The following ANGPTL4 variants were observed in gnomAD, a reference collection of about 807,000 sequenced individuals.
ANGPTL4 encodes angiopoietin-related protein 4.
ANGPTL4 carries 39 observed loss-of-function variants against 39.2 expected under a neutral mutation model. That is an observed-to-expected ratio of 1.00 (90% CI 0.77 to 1.30). The LOEUF (loss-of-function observed/expected upper bound fraction) is 1.30, where lower values mean the gene tolerates loss of function less well. Ranked by LOEUF, ANGPTL4 falls within the 50% of genes most tolerant of loss-of-function variation. The probability of loss-of-function intolerance (pLI) is 0.00; values close to 1 mark genes in which losing one functional copy is unlikely to be tolerated. For missense variants in ANGPTL4, 545 were observed against 549.8 expected (o/e 0.99, Z 0.09); for synonymous variants, 233 against 229.5 (o/e 1.02, Z -0.14).
chr19:8,373,570 C>CAAA, intron 6 of ANGPTL4, 135 bp from the exon 7 acceptor site: 16 of 957,772 alleles, frequency 1.7e-5, no homozygotes, highest in Admixed American at 4.8e-5. Context: ...GACTCAATCT[C>CAAA]AAAAAAAAAA....
At chr19:8,370,956 T>C (rs1971102992) in intron 4 of ANGPTL4, 100 bp from the exon 5 acceptor site, 2 of 1,319,916 alleles carry the variant, frequency 1.5e-6, no homozygotes, top group Admixed American at 2.0e-5. Context: ...AGCTGCTGTC[T>C]TCCTGGGTTT....
chr19:8,374,113 C>G lies in ANGPTL4; in HGVS notation c.*227C>G. 1 of 557,690 alleles carries G rather than the reference C, an allele frequency of 1.8e-6. No homozygotes were observed. The highest frequency in any genetic ancestry group is 3.2e-6 in the Non-Finnish European group (1 of 311,220). The allele number at this position is 557,690 out of a possible 1,614,324, so 34.5% of individuals were successfully genotyped here. A position where few individuals can be genotyped will look rare whatever the true frequency, so the allele number is the denominator to read the frequency against. On this transcript the variant is annotated 3_prime_UTR_variant, in exon 7 of 7. Coordinates refer to ENST00000301455, the MANE Select transcript of ANGPTL4 (RefSeq NM_139314.3). ...GCAGGATATGCTCAGACTCTAGAGGCGTGGACCAAGGGGCATGGAGCTTCA... is the reference window on the plus strand; with the variant it reads ...GCAGGATATGCTCAGACTCTAGAGGGGTGGACCAAGGGGCATGGAGCTTCA...
intron 3 of ANGPTL4, 145 bp from the exon 4 acceptor site, chr19:8,369,074 C>A: frequency 1.6e-6 from 1 of 639,854 alleles, no homozygotes. Context: ...AGAGGTTAGG[C>A]AGATGGCAGA....
At chr19:8,369,122 T>A in intron 3 of ANGPTL4, 97 bp from the exon 4 acceptor site, 1 of 920,304 alleles carries the variant, frequency 1.1e-6, no homozygotes, top group Non-Finnish European at 1.7e-6. Flanking sequence ...TTTACTTCCC[T>A]GGTCATCCAC....
chr19:8,364,374 C>T lies in ANGPTL4; in HGVS notation c.53C>T (p.Ala18Val), dbSNP rs1199096784. Reference protein sequence around the residue: ...GAALMLCAATAVLLSAQGGPV... With the variant: ...GAALMLCAATVVLLSAQGGPV... ...GCCCTGATGCTCTGCGCCGCCACCG[C>T]CGTGCTACTGAGCGCTCAGGGCGGA... The change falls in exon 1 of 7, where the codon GCC becomes GTC. Residue 18 changes from alanine (A) to valine (V), a missense_variant. Transcript: ENST00000301455. 1.3e-6 allele frequency: 2 copies of T among 1,547,548 alleles called. No homozygotes were observed. Among genetic ancestry groups the T allele is most frequent in the South Asian group, 2.4e-5 (2 of 84,572 alleles).
At chr19:8,372,444 A>G (rs1599674389) in intron 6 of ANGPTL4, among the ~76,000 whole-genome samples, 1 of 118,310 alleles carries the variant, frequency 8.5e-6, no homozygotes, top group Non-Finnish European at 1.7e-5. Flanking sequence ...CCTAAGCTGG[A>G]GTGCAGTGGT....
At chr19:8,364,936 G>A (rs1277384781) in intron 1 of ANGPTL4, among the ~76,000 whole-genome samples, 1 of 151,888 alleles carries the variant, frequency 6.6e-6, no homozygotes, top group South Asian at 2.1e-4. Flanking sequence ...ACGACCGGGC[G>A]CAGTGGCTCA....
chr19:8,369,173 C>CA (rs1971064514), intron 3 of ANGPTL4, 46 bp from the exon 4 acceptor site: 1 of 1,536,348 alleles, frequency 6.5e-7, no homozygotes, highest in Non-Finnish European at 8.9e-7. Flanking sequence ...AGACCCCCCC[C>CA]AGGGGCTGCC....
chr19:8,367,301 C>T (rs556892249), intron 3 of ANGPTL4, among the ~76,000 whole-genome samples: 38 of 152,078 alleles, frequency 2.5e-4, no homozygotes, highest in Non-Finnish European at 4.3e-4. Context: ...TGGAGGGTGA[C>T]GGGGGAAGGC....
rs766213750 is a variant in ANGPTL4 at position 8,371,400 on chromosome 19, C to A, written c.917C>A (p.Ala306Glu). The change falls in exon 6 of 7, where the codon GCA becomes GAA. Residue 306 changes from alanine to glutamate, a missense_variant. Coordinates refer to ENST00000301455, the MANE Select transcript of ANGPTL4 (RefSeq NM_139314.3). This position sits in a 1 kb window ranked among gnomAD's most constrained non-coding sequence, Gnocchi z 5.1. ...EDTAYSLQLT[A>E]PVAGQLGATT... ...ACGGCCTATAGCCTGCAGCTCACTG[C>A]ACCCGTGGCCGGCCAGCTGGGCGCC... 6.2e-7 allele frequency: 1 copy of A among 1,613,508 alleles called. No individual in the cohort carries two copies. Among genetic ancestry groups the A allele is most frequent in the East Asian group, 2.2e-5 (1 of 44,878 alleles).
In ANGPTL4 at chr19:8,373,984, A is replaced by AG; in HGVS notation, c.*102dup. ...CCCTGCCTGGGCAGGGGCTCCAAGGAGGGGCCATCTGGAAACTTGTGGACA... is the reference window on the plus strand; with the variant it reads ...CCCTGCCTGGGCAGGGGCTCCAAGGAGGGGGCCATCTGGAAACTTGTGGACA... On this transcript the variant is annotated 3_prime_UTR_variant, in exon 7 of 7. Coordinates refer to ENST00000301455, the MANE Select transcript of ANGPTL4 (RefSeq NM_139314.3). 2 of 1,375,488 alleles carry AG rather than the reference A, an allele frequency of 1.5e-6. No individual in the cohort carries two copies. The allele number at this position is 1,375,488 out of a possible 1,614,324, so 85.2% of individuals were successfully genotyped here. A position where few individuals can be genotyped will look rare whatever the true frequency, so the allele number is the denominator to read the frequency against.
At chr19:8,367,796 C>T (rs1408116831) in intron 3 of ANGPTL4, among the ~76,000 whole-genome samples, 8 of 152,014 alleles carry the variant, frequency 5.3e-5, no homozygotes, top group Non-Finnish European at 1.2e-4. Flanking sequence ...GGACCTGCTG[C>T]CTCATTCATT....
intron 1 of ANGPTL4, 147 bp from the exon 2 acceptor site, chr19:8,365,807 G>A (rs1419407574): frequency 2.3e-5 from 16 of 708,198 alleles, no homozygotes; most frequent in South Asian, 2.0e-4. Context: ...GAGAGAACGA[G>A]ACCCCGTCAT....
chr19:8,373,603 TG>T, intron 6 of ANGPTL4, 101 bp from the exon 7 acceptor site: 1 of 1,523,088 alleles, frequency 6.6e-7, no homozygotes, highest in Non-Finnish European at 9.0e-7. Context: ...AAGCCCAGCC[TG>T]GTCCCCAACC....
chr19:8,369,455 CTTTTTTT>C (rs569969146), intron 4 of ANGPTL4, 123 bp downstream of exon 4: 33 of 325,270 alleles, frequency 1.0e-4, no homozygotes, highest in Non-Finnish European at 1.1e-4. Flanking sequence ...CCAAGCTGGT[CTTTTTTT>C]TTTTTTTTTT....
chr19:8,373,653 C>G (rs1971170069), intron 6 of ANGPTL4, 52 bp from the exon 7 acceptor site: 1 of 1,612,622 alleles, frequency 6.2e-7, no homozygotes, highest in South Asian at 1.1e-5. Context: ...CCTTTCAGCC[C>G]CATCGGTGGC....
At chr19:8,369,363 C>T in intron 4 of ANGPTL4, 31 bp downstream of exon 4, 2 of 1,496,808 alleles carry the variant, frequency 1.3e-6, no homozygotes, top group Non-Finnish European at 1.8e-6. Context: ...AGGGGCCCCT[C>T]TCCCCATAGG....
rs769769905 is a variant in ANGPTL4 at position 8,373,831 on chromosome 19, C to T, written c.1166C>T (p.Pro389Leu). The change falls in exon 7 of 7, where the codon CCG (proline) becomes CTG (leucine). Residue 389 changes from proline (P) to leucine (L), a missense_variant. Transcript: ENST00000301455. The part of the protein sequence containing the change: ...FWKTWRGRYY[P>L]LQATTMLIQP... ...AAGACCTGGCGGGGCCGCTACTACCCGCTGCAGGCCACCACCATGTTGATC... is the reference window on the plus strand; with the variant it reads ...AAGACCTGGCGGGGCCGCTACTACCTGCTGCAGGCCACCACCATGTTGATC... 13 of 1,613,766 alleles carry T rather than the reference C, an allele frequency of 8.1e-6. No individual in the cohort carries two copies. The highest frequency in any genetic ancestry group is 5.3e-5 in the African/African-American group (4 of 74,944).
intron 3 of ANGPTL4, among the ~76,000 whole-genome samples, chr19:8,366,577 C>A (rs951682422): frequency 2.0e-5 from 3 of 152,158 alleles, no homozygotes; most frequent in Non-Finnish European, 4.4e-5. Flanking sequence ...CTGATTGGAA[C>A]AGAGGTGGAG....
Sources: gnomAD v4.1 joint callset for allele counts (sites outside exome capture counted in the v4.1 genomes callset) on GRCh38, gnomAD v4.1.1 for gene constraint, Gnocchi (gnomAD v3.1) non-coding constraint, MANE v1.5 for transcripts, NCBI Gene and HGNC (gene_info 2026-07-23, HGNC 2026-07-21) for gene names.